The following RUNX1T1 variants were observed in gnomAD, a reference collection of about 807,000 sequenced individuals.
RUNX1T1 encodes the protein RUNX1 partner transcriptional co-repressor 1.
In RUNX1T1, 4 loss-of-function variants were observed where a neutral mutation model predicts 62.8. The ratio of observed to expected loss-of-function variants is 0.06; its 90% CI spans 0.03 to 0.15. The LOEUF (loss-of-function observed/expected upper bound fraction) is 0.15. Ranked by LOEUF, RUNX1T1 falls within the 10% of genes least tolerant of loss-of-function variation. The pLI, the probability that RUNX1T1 is intolerant of heterozygous loss-of-function variation, is 1.00. For synonymous variants in RUNX1T1, 291 were observed against 286.0 expected, an observed-to-expected ratio of 1.02 and a Z score of -0.18; for missense variants, 508 against 754.3, an observed-to-expected ratio of 0.67 and a Z score of 3.82.
chr8:92,047,054 T>C (rs994171844), intron 1 of RUNX1T1, among the ~76,000 whole-genome samples: 1 of 152,162 alleles, frequency 6.6e-6, no homozygotes, highest in Non-Finnish European at 1.5e-5. Flanking sequence ...GTATGTGGGA[T>C]GGATGTTAAA....
chr8:91,993,556 G>C (rs1189225692), intron 5 of RUNX1T1, among the ~76,000 whole-genome samples: 1 of 152,064 alleles, frequency 6.6e-6, no homozygotes, highest in Non-Finnish European at 1.5e-5. Context: ...AGTAAAATGG[G>C]ACTGATAGGA....
At chr8:92,041,134 A>G (rs545813742) in intron 1 of RUNX1T1, among the ~76,000 whole-genome samples, 1 of 152,212 alleles carries the variant, frequency 6.6e-6, no homozygotes, top group Admixed American at 6.5e-5. Flanking sequence ...AATAGATCTT[A>G]TTCATATTAC....
chr8:91,972,072 G>C (rs924350509), intron 9 of RUNX1T1, among the ~76,000 whole-genome samples: 3 of 152,094 alleles, frequency 2.0e-5, no homozygotes, highest in African/African-American at 7.2e-5. Context: ...TTTCATTCAA[G>C]TGTTTGCACT....
rs143089847 is a variant in RUNX1T1 at position 92,060,332 on chromosome 8, T to C, written c.7+2214A>G. Among the ~76,000 whole-genome samples, 1,436 of 151,644 alleles carry C rather than the reference T, an allele frequency of 9.5e-3. 17 individuals carry two copies. Among genetic ancestry groups the C allele is most frequent in the Non-Finnish European group, 0.013 (913 of 67,810 alleles). On this transcript the variant is annotated intron_variant, in intron 1 of 10. Coordinates refer to ENST00000396218, the Ensembl canonical transcript of RUNX1T1. ...AAAAACATGTTTTTTAAAACCAAAA[T>C]AGTTCTAGAACCCCTTAAACTAAGA...
At chr8:92,012,512 G>C (rs926333903) in intron 3 of RUNX1T1, among the ~76,000 whole-genome samples, 2 of 152,058 alleles carry the variant, frequency 1.3e-5, no homozygotes, top group Non-Finnish European at 2.9e-5. Flanking sequence ...GGGTGACAGA[G>C]AACGGGTATG....
At chr8:92,097,630 G>A (rs1192442243) in intron 1 of RUNX1T1, among the ~76,000 whole-genome samples, 1 of 152,064 alleles carries the variant, frequency 6.6e-6, no homozygotes, top group Non-Finnish European at 1.5e-5. Flanking sequence ...AAAAAAAATT[G>A]CATTACTATT....
chr8:92,024,063 T>C (rs1046225990), intron 1 of RUNX1T1, among the ~76,000 whole-genome samples: 4 of 152,220 alleles, frequency 2.6e-5, no homozygotes, highest in African/African-American at 9.6e-5. Context: ...TCCCTCATTC[T>C]AGTGAATACG....
chr8:91,976,625 AAT>A (rs1814010633), intron 8 of RUNX1T1, among the ~76,000 whole-genome samples: 1 of 152,248 alleles, frequency 6.6e-6, no homozygotes, highest in South Asian at 2.1e-4. Context: ...TTCCACTTTA[AAT>A]TAAATGCTGT....
At chr8:92,075,328 T>C (rs1405706931) in intron 2 of RUNX1T1, among the ~76,000 whole-genome samples, 1 of 152,230 alleles carries the variant, frequency 6.6e-6, no homozygotes, top group Non-Finnish European at 1.5e-5. Flanking sequence ...TCTCCCATAA[T>C]TCAGGGCTTC....
intron 1 of RUNX1T1, chr8:92,095,369 G>C: frequency 6.5e-7 from 1 of 1,535,436 alleles, no homozygotes; most frequent in Non-Finnish European, 8.7e-7. Flanking sequence ...GAGCGCGGGA[G>C]AGCGGCCGCG....
chr8:91,959,484 G>A lies in RUNX1T1; in HGVS notation c.*758C>T, dbSNP rs1315928603. Reference sequence around the variant, plus strand: ...TGTGTGTGTATATGTGCGTGTGTGTGTGTGTATATATATATATATATATAT... The same window carrying A: ...TGTGTGTGTATATGTGCGTGTGTGTATGTGTATATATATATATATATATAT... On this transcript the variant is annotated 3_prime_UTR_variant, in exon 11 of 11. Coordinates refer to ENST00000396218, the Ensembl canonical transcript of RUNX1T1. 107 of 163,430 alleles carry A rather than the reference G, an allele frequency of 6.5e-4. 1 individual carries two copies. Among genetic ancestry groups the A allele is most frequent in the Middle Eastern group, 4.1e-3 (2 of 482 alleles). 10.1% of individuals were successfully genotyped at this position (163,430 alleles called of 1,614,324 possible).
At chr8:92,011,278 C>T (rs565044610) in intron 3 of RUNX1T1, among the ~76,000 whole-genome samples, 187 bp from the exon 5 acceptor site, 113 of 152,324 alleles carry the variant, frequency 7.4e-4, no homozygotes, top group Non-Finnish European at 1.3e-3. Context: ...GCATCACTCA[C>T]TTCTAAAACC....
In RUNX1T1 at chr8:92,037,270, C is replaced by T. The variant is rs1365225584; in HGVS notation, c.8-19907G>A. Among the ~76,000 whole-genome samples the T allele has an allele frequency of 2.6e-5, 4 of 152,200 alleles. No individual in the cohort carries two copies. The East Asian group carries it at 7.7e-4, about 29-fold the overall frequency. Reference sequence around the variant, plus strand: ...GAAGGAGGGAGGGCAGAAACATCATCCAACTAAGTGAAAGAAATGTTCAGG... The same window carrying T: ...GAAGGAGGGAGGGCAGAAACATCATTCAACTAAGTGAAAGAAATGTTCAGG... On this transcript the variant is annotated intron_variant, in intron 1 of 10. Coordinates refer to ENST00000396218, the Ensembl canonical transcript of RUNX1T1.
chr8:91,981,652 T>C (rs1815307487), intron 8 of RUNX1T1, among the ~76,000 whole-genome samples: 1 of 151,734 alleles, frequency 6.6e-6, no homozygotes, highest in Non-Finnish European at 1.5e-5. Context: ...CCTGACCTCA[T>C]GATCTGCCCG....
chr8:92,029,409 A>AG (rs1825830655), intron 1 of RUNX1T1, among the ~76,000 whole-genome samples: 1 of 152,178 alleles, frequency 6.6e-6, no homozygotes, highest in South Asian at 2.1e-4. Flanking sequence ...ACTGGAGAAA[A>AG]GGGGAAAATT....
chr8:92,037,332 G>A (rs1397640306), intron 1 of RUNX1T1, among the ~76,000 whole-genome samples: 1 of 152,100 alleles, frequency 6.6e-6, no homozygotes, highest in Admixed American at 6.6e-5. Context: ...ATACATAGTA[G>A]GTATTCAGTA....
chr8:92,034,668 ATATG>A (rs1826911271), intron 1 of RUNX1T1, among the ~76,000 whole-genome samples: 1 of 150,274 alleles, frequency 6.7e-6, no homozygotes, highest in Non-Finnish European at 1.5e-5. Flanking sequence ...TGGCATATAT[ATATG>A]TGTGTGTGTG....
At chr8:92,101,650 G>A (rs1457114716), upstream of RUNX1T1, among the ~76,000 whole-genome samples, 2 of 152,148 alleles carry the variant, frequency 1.3e-5, no homozygotes, top group Non-Finnish European at 2.9e-5. Flanking sequence ...GAGAGGGGGA[G>A]GGAAGGCGGC....
rs768600960 is a variant in RUNX1T1 at position 92,014,762 on chromosome 8, A to G, written c.204T>C (p.Asn68=). The G allele has an allele frequency of 3.7e-6, 6 of 1,614,048 alleles. No homozygotes were observed. The African/African-American group carries it at 5.3e-5, about 14-fold the overall frequency. ...AAGAGGAAGGCCCATTGCTGAAGCC[A>G]TTGGGTGGTGAGGGGGCGCCATTCA... The change falls in exon 3 of 11, where the codon AAT becomes AAC. Residue 68 remains asparagine, a synonymous_variant. Coordinates refer to ENST00000396218, the Ensembl canonical transcript of RUNX1T1.
Sources: gnomAD v4.1 joint callset for allele counts (sites outside exome capture counted in the v4.1 genomes callset) on GRCh38, gnomAD v4.1.1 for gene constraint, MANE v1.5 for transcripts, NCBI Gene and HGNC (gene_info 2026-07-23, HGNC 2026-07-21) for gene names.